Variants in SNTG2 observed in about 807,000 individuals in gnomAD.
The protein encoded by SNTG2 is gamma-2-syntrophin.
SNTG2 carries 74 observed loss-of-function variants against 70.9 expected under a neutral mutation model. The ratio of observed to expected loss-of-function variants is 1.04; its 90% CI spans 0.86 to 1.27. The LOEUF is 1.27. SNTG2 is among the 50% of genes most tolerant of loss of function. SNTG2 has a pLI of 0.00. For synonymous variants in SNTG2, 278 were observed against 273.8 expected (o/e 1.02, Z -0.15); for missense variants, 717 against 690.7 (o/e 1.04, Z -0.43).
At chr2:1,072,720 A>G (rs1663659177) in intron 1 of SNTG2, among the ~76,000 whole-genome samples, 1 of 152,158 alleles carries the variant, frequency 6.6e-6, no homozygotes, top group Non-Finnish European at 1.5e-5. Context: ...ATAAAGTTAT[A>G]GCCGCCATGG....
intron 12 of SNTG2, among the ~76,000 whole-genome samples, chr2:1,248,466 A>G (rs891194750): frequency 1.3e-5 from 2 of 152,226 alleles, no homozygotes; most frequent in African/African-American, 4.8e-5. Flanking sequence ...AGGATATCAT[A>G]TTGGCTTTAG....
intron 2 of SNTG2, among the ~76,000 whole-genome samples, chr2:1,086,631 G>A (rs1041558000): frequency 6.6e-6 from 1 of 152,190 alleles, no homozygotes; most frequent in Admixed American, 6.5e-5. Flanking sequence ...AAGGCCTCAG[G>A]CCACTGCCAA....
chr2:988,499 T>A (rs140410943), intron 1 of SNTG2, among the ~76,000 whole-genome samples: 1 of 152,180 alleles, frequency 6.6e-6, no homozygotes, highest in African/African-American at 2.4e-5. Context: ...AACTCACCCG[T>A]GAGGATGCGG....
At chr2:1,157,061 C>T (rs918771427) in intron 6 of SNTG2, among the ~76,000 whole-genome samples, 4 of 152,196 alleles carry the variant, frequency 2.6e-5, no homozygotes, top group Admixed American at 2.0e-4. Flanking sequence ...TGGATTCACT[C>T]AGCATACCCC....
chr2:1,267,919 T>G (rs1678835398), intron 14 of SNTG2, among the ~76,000 whole-genome samples: 1 of 152,220 alleles, frequency 6.6e-6, no homozygotes, highest in Non-Finnish European at 1.5e-5. Flanking sequence ...ACAGAACACC[T>G]AGCTTACAAA....
chr2:1,098,511 T>A (rs778199148), intron 4 of SNTG2, 101 bp downstream of exon 4: 18 of 1,225,596 alleles, frequency 1.5e-5, no homozygotes, highest in East Asian at 4.7e-5. Flanking sequence ...TTTGCTCGAT[T>A]ACCTAAACTT....
intron 6 of SNTG2, among the ~76,000 whole-genome samples, chr2:1,148,525 G>A (rs1286012658): frequency 1.3e-5 from 2 of 152,212 alleles, no homozygotes; most frequent in Non-Finnish European, 2.9e-5. Flanking sequence ...GGACCTGCCT[G>A]TGAGCTCTTC....
At chr2:1,129,080 C>T (rs1460951976) in intron 4 of SNTG2, among the ~76,000 whole-genome samples, 3 of 152,156 alleles carry the variant, frequency 2.0e-5, no homozygotes, top group Non-Finnish European at 4.4e-5. Context: ...ACGACATATA[C>T]ATTTTATGCA....
At chr2:1,031,528 A>ATATATATTTTTTTT in intron 1 of SNTG2, among the ~76,000 whole-genome samples, 1 of 59,142 alleles carries the variant, frequency 1.7e-5, no homozygotes, top group Non-Finnish European at 3.1e-5. Context: ...ATATATATAT[A>ATATATATTTTTTTT]TTTTTTTTTT....
intron 1 of SNTG2, among the ~76,000 whole-genome samples, chr2:994,747 CAAT>C (rs1661622131): frequency 6.6e-6 from 1 of 151,816 alleles, no homozygotes; most frequent in Non-Finnish European, 1.5e-5. Flanking sequence ...TTTTCATTAA[CAAT>C]GATATATAGG....
At chr2:1,350,104 C>T (rs1314063923) in intron 16 of SNTG2, among the ~76,000 whole-genome samples, 1 of 152,086 alleles carries the variant, frequency 6.6e-6, no homozygotes, top group Non-Finnish European at 1.5e-5. Context: ...AGTCTCCTGG[C>T]CTTGCTATCA....
At chr2:1,053,387 A>C (rs1662185011) in intron 1 of SNTG2, among the ~76,000 whole-genome samples, 1 of 152,096 alleles carries the variant, frequency 6.6e-6, no homozygotes, top group South Asian at 2.1e-4. Context: ...ATAACATATA[A>C]TTTTGTTGTT....
intron 1 of SNTG2, among the ~76,000 whole-genome samples, chr2:983,803 G>T (rs1180626902): frequency 6.6e-6 from 1 of 152,212 alleles, no homozygotes; most frequent in African/African-American, 2.4e-5. Flanking sequence ...TCACTTGTGG[G>T]CACCCTCCAC....
intron 6 of SNTG2, among the ~76,000 whole-genome samples, chr2:1,154,269 G>T (rs7591395): frequency 0.85 from 129,643 of 151,630 alleles, 55,801 homozygotes; most frequent in Middle Eastern, 0.95. Context: ...ATCACATGCA[G>T]CTGAGGCGCT....
intron 1 of SNTG2, among the ~76,000 whole-genome samples, chr2:1,031,553 C>T (rs1438885908): frequency 3.4e-4 from 18 of 52,334 alleles, no homozygotes; most frequent in Admixed American, 2.2e-3. Flanking sequence ...TTTTTTGAGG[C>T]GAAATCTCAC....
At chr2:1,189,564 CT>C (rs370771654) in intron 8 of SNTG2, among the ~76,000 whole-genome samples, 42 of 147,992 alleles carry the variant, frequency 2.8e-4, no homozygotes, top group Non-Finnish European at 3.6e-4. Flanking sequence ...GGGACTCTAA[CT>C]TTTTTTTTTT....
At chr2:1,114,037 TAC>T (rs1666734982) in intron 4 of SNTG2, among the ~76,000 whole-genome samples, 1 of 151,836 alleles carries the variant, frequency 6.6e-6, no homozygotes. Context: ...GGATCGTGTG[TAC>T]TAAGTGAGGT....
At chr2:1,325,991 G>C (rs536303601) in intron 16 of SNTG2, among the ~76,000 whole-genome samples, 1 of 151,936 alleles carries the variant, frequency 6.6e-6, no homozygotes, top group South Asian at 2.1e-4. Context: ...CTGTGACCAC[G>C]CCCAGCTAAT....
At chr2:985,651 A>G (rs1410648624) in intron 1 of SNTG2, among the ~76,000 whole-genome samples, 1 of 152,140 alleles carries the variant, frequency 6.6e-6, no homozygotes, top group Non-Finnish European at 1.5e-5. Flanking sequence ...CTTCAGTCAG[A>G]AATCTAGCAT....
Sources: allele counts gnomAD v4.1 joint callset (sites outside exome capture counted in the v4.1 genomes callset), GRCh38; gene constraint gnomAD v4.1.1; transcripts MANE v1.5; gene names NCBI Gene and HGNC (gene_info 2026-07-23, HGNC 2026-07-21).